The following CSMD1 variants were observed in gnomAD, a reference collection of about 807,000 sequenced individuals.
CSMD1 encodes CUB and Sushi multiple domains 1, also known as CUB and sushi domain-containing protein 1.
A neutral mutation model predicts 417.5 loss-of-function variants in CSMD1; 213 were observed. That is an observed-to-expected ratio of 0.51 (90% CI 0.46 to 0.57). The LOEUF (loss-of-function observed/expected upper bound fraction) is 0.57. Ranked by LOEUF, CSMD1 falls within the 20% of genes least tolerant of loss-of-function variation. The pLI is 0.00. For synonymous variants in CSMD1, 2,862 were observed against 1,736.8 expected, an observed-to-expected ratio of 1.65 and a Z score of -16.11; for missense variants, 6,923 against 4,529.7, an observed-to-expected ratio of 1.53 and a Z score of -15.17.
intron 5 of CSMD1, among the ~76,000 whole-genome samples, chr8:3,782,475 T>C (rs980510698): frequency 6.6e-6 from 1 of 152,066 alleles, no homozygotes; most frequent in Non-Finnish European, 1.5e-5. Context: ...GTATAGATAA[T>C]CTAATAAAAT....
chr8:3,900,733 G>A (rs1807691729), intron 5 of CSMD1, among the ~76,000 whole-genome samples: 1 of 152,062 alleles, frequency 6.6e-6, no homozygotes, highest in Admixed American at 6.5e-5. Flanking sequence ...TGACACTATA[G>A]CTAGCTGCCA....
chr8:3,351,245 T>A (rs2730044), intron 21 of CSMD1, among the ~76,000 whole-genome samples: 41,175 of 152,064 alleles, frequency 0.27, 6,104 homozygotes, highest in East Asian at 0.47. Context: ...TACTCTAGGG[T>A]AGTGTGGCAC....
intron 7 of CSMD1, among the ~76,000 whole-genome samples, chr8:3,685,540 G>A (rs73497620): frequency 0.04 from 6,153 of 152,142 alleles, 418 homozygotes; most frequent in African/African-American, 0.14. Flanking sequence ...TATATAACAG[G>A]AAGAAAAATG....
intron 3 of CSMD1, among the ~76,000 whole-genome samples, chr8:4,056,870 A>C (rs560853292): frequency 1.3e-5 from 2 of 152,158 alleles, no homozygotes; most frequent in Non-Finnish European, 2.9e-5. Context: ...TGAAGTCATC[A>C]TTTTTTATGG....
intron 2 of CSMD1, among the ~76,000 whole-genome samples, chr8:4,568,917 T>C (rs1798748974): frequency 6.6e-6 from 1 of 152,232 alleles, no homozygotes; most frequent in East Asian, 1.9e-4. Flanking sequence ...CATAAATGTC[T>C]TCTTTTGAGA....
intron 2 of CSMD1, among the ~76,000 whole-genome samples, chr8:4,501,823 T>C (rs1391559584): frequency 6.6e-6 from 1 of 152,104 alleles, no homozygotes; most frequent in African/African-American, 2.4e-5. Context: ...GCCTTATTTA[T>C]AAATGAACCT....
rs1356580884 is a variant in CSMD1 at position 4,142,765 on chromosome 8, A to G, written c.416-110666T>C. ...TTACATTGAACTTGCCAATCACTTCATTAGTGCAAAACAGGCTTCAACAAA... is the reference window on the plus strand; with the variant it reads ...TTACATTGAACTTGCCAATCACTTCGTTAGTGCAAAACAGGCTTCAACAAA... On this transcript the variant is annotated intron_variant, in intron 3 of 69. Transcript: ENST00000635120. 5.3e-5 allele frequency among the ~76,000 whole-genome samples: 8 copies of G among 151,234 alleles called. No individual in the cohort carries two copies. In the East Asian group the frequency reaches 1.2e-3, roughly 22 times the overall value.
intron 1 of CSMD1, among the ~76,000 whole-genome samples, chr8:4,818,513 C>T (rs569018282): frequency 8.5e-5 from 13 of 152,162 alleles, no homozygotes; most frequent in Admixed American, 2.0e-4. Context: ...TAAATACATA[C>T]GTATTAAGAA....
intron 4 of CSMD1, among the ~76,000 whole-genome samples, chr8:4,026,124 G>T (rs1362703838): frequency 6.6e-6 from 1 of 151,974 alleles, no homozygotes; most frequent in Non-Finnish European, 1.5e-5. Context: ...CAGTCCATAT[G>T]GTTGAAATTT....
chr8:4,400,622 C>T (rs1443825187), intron 3 of CSMD1, among the ~76,000 whole-genome samples: 5 of 152,228 alleles, frequency 3.3e-5, no homozygotes, highest in Admixed American at 6.5e-5. Flanking sequence ...GGGATCCAGA[C>T]TGACCTGCAA....
At chr8:4,159,491 G>A (rs569780007) in intron 3 of CSMD1, among the ~76,000 whole-genome samples, 9 of 152,254 alleles carry the variant, frequency 5.9e-5, no homozygotes, top group African/African-American at 1.9e-4. Context: ...ATCAACGAGT[G>A]GATAAAGAAA....
At chr8:3,532,876 A>G (rs1798039195) in intron 10 of CSMD1, among the ~76,000 whole-genome samples, 1 of 152,170 alleles carries the variant, frequency 6.6e-6, no homozygotes, top group Non-Finnish European at 1.5e-5. Flanking sequence ...TCACACTGAG[A>G]TCTATTTTTT....
chr8:3,122,120 G>C (rs1817246514), intron 41 of CSMD1, among the ~76,000 whole-genome samples: 1 of 152,054 alleles, frequency 6.6e-6, no homozygotes. Context: ...GATTAACTCA[G>C]TGCTATCTTT....
chr8:4,113,766 G>C (rs552749574), intron 3 of CSMD1, among the ~76,000 whole-genome samples: 24 of 152,164 alleles, frequency 1.6e-4, no homozygotes, highest in Non-Finnish European at 3.2e-4. Flanking sequence ...GTGAGATGGA[G>C]AAAGTTTTCA....
chr8:4,752,264 C>G (rs1443294070), intron 1 of CSMD1, among the ~76,000 whole-genome samples: 1 of 152,126 alleles, frequency 6.6e-6, no homozygotes, highest in Admixed American at 6.6e-5. Flanking sequence ...CTTGTCTTGA[C>G]AATACAATTT....
At chr8:3,949,655 C>T (rs2975395) in intron 5 of CSMD1, among the ~76,000 whole-genome samples, 18,637 of 151,618 alleles carry the variant, frequency 0.12, 1,432 homozygotes, top group South Asian at 0.16. Flanking sequence ...GAAGGGGCAA[C>T]GAGGATGAGA....
At chr8:4,564,584 G>C (rs1798504405) in intron 2 of CSMD1, among the ~76,000 whole-genome samples, 1 of 152,140 alleles carries the variant, frequency 6.6e-6, no homozygotes, top group African/African-American at 2.4e-5. Context: ...AATCAATACA[G>C]AGAAAAGTAA....
Position 3,160,826 on chromosome 8 carries a change from T to A in CSMD1, c.5844+1333A>T, listed in dbSNP as rs1819842653. Among the ~76,000 whole-genome samples the A allele has an allele frequency of 2.6e-5, 4 of 152,226 alleles. No homozygotes were observed. The South Asian group carries it at 8.3e-4, about 31-fold the overall frequency. Reference sequence around the variant, plus strand: ...ATCAGGAGAAGTGAGATTTTGTATATAAAGCACTTGGTAATGCACCCCTTT... The same window carrying A: ...ATCAGGAGAAGTGAGATTTTGTATAAAAAGCACTTGGTAATGCACCCCTTT... On this transcript the variant is annotated intron_variant, in intron 38 of 69. Transcript: ENST00000635120.
chr8:3,349,906 A>C (rs1197820553), intron 21 of CSMD1, among the ~76,000 whole-genome samples: 1 of 30,016 alleles, frequency 3.3e-5, no homozygotes, highest in East Asian at 7.8e-4. Context: ...ATATATATTT[A>C]TATATATTTA....
Sources: allele counts gnomAD v4.1 joint callset (sites outside exome capture counted in the v4.1 genomes callset), GRCh38; gene constraint gnomAD v4.1.1; transcripts MANE v1.5; gene names NCBI Gene and HGNC (gene_info 2026-07-23, HGNC 2026-07-21).